MBTPS1: variants seen among roughly 807,000 people sequenced by gnomAD.
The protein encoded by MBTPS1 is membrane bound transcription factor peptidase, site 1, also known as membrane-bound transcription factor site-1 protease.
In MBTPS1, 94 loss-of-function variants were observed where a neutral mutation model predicts 127.8. That is an observed-to-expected ratio of 0.74 (90% confidence interval 0.62 to 0.87). MBTPS1 has a LOEUF of 0.87. Ranked by LOEUF, MBTPS1 falls within the 40% of genes least tolerant of loss-of-function variation. The pLI, the probability that MBTPS1 is intolerant of heterozygous loss-of-function variation, is 0.00. For synonymous variants in MBTPS1, 632 were observed against 509.4 expected (o/e 1.24, Z -3.24); for missense variants, 1,636 against 1,353.2 (o/e 1.21, Z -3.28).
At chr16:84,084,644 CTGA>C in intron 10 of MBTPS1, among the ~76,000 whole-genome samples, 1 of 152,234 alleles carries the variant, frequency 6.6e-6, no homozygotes, top group Admixed American at 6.5e-5. Context: ...TGTTCCCTGC[CTGA>C]TATTTATGCT....
chr16:84,075,041 A>G (rs1480831604), intron 11 of MBTPS1: 5 of 204,218 alleles, frequency 2.4e-5, no homozygotes. Flanking sequence ...CCTAATGGAA[A>G]CTTGGACTTG....
chr16:84,112,679 A>AC lies in MBTPS1; in HGVS notation c.-325+4055dup, dbSNP rs1555514438. On this transcript the variant is annotated intron_variant, in intron 1 of 22. Coordinates refer to ENST00000343411, the MANE Select transcript of MBTPS1 (RefSeq NM_003791.4). ...TCGGTCTCAAAAAAAACAAAAAAAAACAAAAAAAGAATACGCCGGGCTCGG... is the reference window on the plus strand; with the variant it reads ...TCGGTCTCAAAAAAAACAAAAAAAAACCAAAAAAAGAATACGCCGGGCTCGG... 8.7e-4 allele frequency among the ~76,000 whole-genome samples: 131 copies of AC among 149,844 alleles called. 3 individuals carry two copies. The highest frequency in any genetic ancestry group is 3.1e-3 in the African/African-American group (125 of 40,686).
At chr16:84,085,634 T>A (rs949197948) in intron 9 of MBTPS1, among the ~76,000 whole-genome samples, 1 of 130,212 alleles carries the variant, frequency 7.7e-6, no homozygotes, top group Non-Finnish European at 1.6e-5. Flanking sequence ...AAAATAAGCT[T>A]AAACGATAAT....
chr16:84,090,014 C>T (rs1262617736), intron 8 of MBTPS1, among the ~76,000 whole-genome samples: 8 of 152,188 alleles, frequency 5.3e-5, no homozygotes, highest in Admixed American at 5.2e-4. Flanking sequence ...AATCCAGAAC[C>T]CTGGACCTCT....
At chr16:84,093,433 G>A (rs950477394) in intron 5 of MBTPS1, 136 bp from the exon 6 acceptor site, 19 of 678,822 alleles carry the variant, frequency 2.8e-5, no homozygotes, top group Non-Finnish European at 4.7e-5. Context: ...GCTGCTCTAC[G>A]ATCCCCTTAG....
At chr16:84,108,198 C>G (rs2086351281) in intron 1 of MBTPS1, among the ~76,000 whole-genome samples, 1 of 152,064 alleles carries the variant, frequency 6.6e-6, no homozygotes, top group Non-Finnish European at 1.5e-5. Flanking sequence ...GGTAAGCAGA[C>G]AAGCAGCAGC....
chr16:84,116,695 G>T (rs1364070683), intron 1 of MBTPS1, 40 bp downstream of exon 1: 2 of 152,012 alleles, frequency 1.3e-5, no homozygotes, highest in African/African-American at 4.8e-5. Context: ...GCCGCTAGGC[G>T]GAGCGGGTCG....
In MBTPS1 at chr16:84,095,594, G is replaced by A. The variant is rs1228243875; in HGVS notation, c.625+8C>T. ...CCATAAGCACCTTCCCTGGGTAATA[G>A]CACACACCTGTATATCCCATCTGCC... On this transcript the variant is annotated splice_region_variant and intron_variant, in intron 4 of 22. Coordinates refer to ENST00000343411, the MANE Select transcript of MBTPS1 (RefSeq NM_003791.4). 2 of 1,613,366 alleles carry A rather than the reference G, an allele frequency of 1.2e-6. No individual in the cohort carries two copies. Among genetic ancestry groups the A allele is most frequent in the African/African-American group, 1.3e-5 (1 of 74,916 alleles).
intron 12 of MBTPS1, among the ~76,000 whole-genome samples, chr16:84,071,232 G>T (rs1210981578): frequency 2.6e-5 from 4 of 152,206 alleles, no homozygotes; most frequent in African/African-American, 9.7e-5. Context: ...GGAAAGAGGT[G>T]GCCGGAGGGA....
chr16:84,104,973 A>G (rs1188839266), intron 1 of MBTPS1, among the ~76,000 whole-genome samples: 1 of 151,978 alleles, frequency 6.6e-6, no homozygotes, highest in Admixed American at 6.6e-5. Flanking sequence ...ATTGTGGTGC[A>G]TGCCTGTAAT....
intron 4 of MBTPS1, among the ~76,000 whole-genome samples, chr16:84,094,946 T>C (rs1331692446): frequency 1.3e-5 from 2 of 152,186 alleles, no homozygotes; most frequent in African/African-American, 4.8e-5. Context: ...TGGGAGCAGG[T>C]GAAACTGGCT....
chr16:84,076,354 C>A (rs957781158), intron 11 of MBTPS1, among the ~76,000 whole-genome samples: 2 of 152,052 alleles, frequency 1.3e-5, no homozygotes, highest in Non-Finnish European at 2.9e-5. Flanking sequence ...CGGAGAAATA[C>A]AAGAGGCATT....
chr16:84,058,840 C>A (rs1024880681), intron 21 of MBTPS1, among the ~76,000 whole-genome samples: 1 of 152,184 alleles, frequency 6.6e-6, no homozygotes, highest in Non-Finnish European at 1.5e-5. Context: ...GCTTTCACCC[C>A]CAGTCACAGT....
chr16:84,111,540 C>CA lies in MBTPS1; in HGVS notation c.-325+5194dup, dbSNP rs5818482. 2.2e-3 allele frequency among the ~76,000 whole-genome samples: 302 copies of CA among 134,544 alleles called. 4 individuals carry two copies. The East Asian group carries it at 0.033, about 15-fold the overall frequency. 88.3% of individuals were successfully genotyped at this position (134,544 alleles called of 152,430 possible). On this transcript the variant is annotated intron_variant, in intron 1 of 22. Coordinates refer to ENST00000343411, the MANE Select transcript of MBTPS1 (RefSeq NM_003791.4). ...TGGGCAACAGAGAGAGACTCCATCTCAAAAAAAAAAAAGAAAAAAGAAAGC... is the reference window on the plus strand; with the variant it reads ...TGGGCAACAGAGAGAGACTCCATCTCAAAAAAAAAAAAAGAAAAAAGAAAGC...
rs2085477914 is a variant in MBTPS1, at chr16:84,053,968, C to A, written c.*481G>T. 6.5e-6 allele frequency: 1 copy of A among 153,644 alleles called. No homozygotes were observed. Among genetic ancestry groups the A allele is most frequent in the African/African-American group, 2.4e-5 (1 of 41,482 alleles). The allele number at this position is 153,644 out of a possible 1,614,324, so 9.5% of individuals were successfully genotyped here. ...AGATCATGGAATCTATGTTGTTCCT[C>A]ATGATGGAATAGTAAAAAAACTGCA... On this transcript the variant is annotated 3_prime_UTR_variant, in exon 23 of 23. Coordinates refer to ENST00000343411, the MANE Select transcript of MBTPS1 (RefSeq NM_003791.4).
At chr16:84,063,082 G>A (rs1284948423) in intron 19 of MBTPS1, among the ~76,000 whole-genome samples, 1 of 152,250 alleles carries the variant, frequency 6.6e-6, no homozygotes, top group Non-Finnish European at 1.5e-5. Flanking sequence ...GAGGCATCAT[G>A]GCCCCAACAA....
At chr16:84,100,517 C>A (rs1179307831) in intron 2 of MBTPS1, among the ~76,000 whole-genome samples, 2 of 152,030 alleles carry the variant, frequency 1.3e-5, no homozygotes, top group Admixed American at 6.5e-5. Context: ...GCACTCCAGC[C>A]TGGGCAACAA....
chr16:84,070,344 G>A (rs563151111), intron 13 of MBTPS1, among the ~76,000 whole-genome samples: 1 of 152,254 alleles, frequency 6.6e-6, no homozygotes, highest in South Asian at 2.1e-4. Flanking sequence ...TTGAAATCTG[G>A]TAGAAAACAG....
chr16:84,092,523 G>A (rs2086123654), intron 6 of MBTPS1, among the ~76,000 whole-genome samples: 1 of 152,160 alleles, frequency 6.6e-6, no homozygotes, highest in African/African-American at 2.4e-5. Context: ...TATAAGAAAG[G>A]AACATCATCA....
Sources: gnomAD v4.1 joint callset for allele counts (sites outside exome capture counted in the v4.1 genomes callset) on GRCh38, gnomAD v4.1.1 for gene constraint, MANE v1.5 for transcripts, NCBI Gene and HGNC (gene_info 2026-07-23, HGNC 2026-07-21) for gene names.